The following PKN2 variants were observed in gnomAD, a reference collection of about 807,000 sequenced individuals.
The protein encoded by PKN2 is serine/threonine-protein kinase N2.
In PKN2, 38 loss-of-function variants were observed where a neutral mutation model predicts 119.1. That is an observed-to-expected ratio of 0.32 (90% CI 0.25 to 0.42). The LOEUF (loss-of-function observed/expected upper bound fraction) is 0.42, where lower values mean the gene tolerates loss of function less well. PKN2 is among the 10% of genes least tolerant of loss of function. The probability of loss-of-function intolerance (pLI) is 1.00; values close to 1 mark genes in which losing one functional copy is unlikely to be tolerated. For synonymous variants in PKN2, 390 were observed against 384.9 expected, an observed-to-expected ratio of 1.01 and a Z score of -0.15; for missense variants, 850 against 1,165.1, an observed-to-expected ratio of 0.73 and a Z score of 3.94.
chr1:88,829,295 A>T, intron 19 of PKN2: 1 of 623,304 alleles, frequency 1.6e-6, no homozygotes, highest in South Asian at 1.6e-5. Flanking sequence ...TTTGAGAGAG[A>T]TACCTTCACA....
chr1:88,734,348 A>G (rs1668258754), intron 1 of PKN2, among the ~76,000 whole-genome samples: 1 of 152,096 alleles, frequency 6.6e-6, no homozygotes, highest in Non-Finnish European at 1.5e-5. Context: ...GGGGTCTTAC[A>G]TTTAAGTCTT....
chr1:88,693,292 T>C (rs1303465212), intron 1 of PKN2, among the ~76,000 whole-genome samples: 2 of 152,226 alleles, frequency 1.3e-5, no homozygotes, highest in Non-Finnish European at 2.9e-5. Context: ...TAATACTGGA[T>C]ATAAAGCAAA....
intron 6 of PKN2, among the ~76,000 whole-genome samples, chr1:88,772,420 C>T (rs1193440897): frequency 6.6e-6 from 1 of 152,160 alleles, no homozygotes; most frequent in Non-Finnish European, 1.5e-5. Context: ...AGGAAATTCT[C>T]ATTGGAGCAT....
intron 6 of PKN2, among the ~76,000 whole-genome samples, 195 bp from the exon 7 acceptor site, chr1:88,784,444 A>G (rs1269157556): frequency 1.3e-5 from 2 of 152,022 alleles, no homozygotes; most frequent in Non-Finnish European, 2.9e-5. Context: ...AAAATTTCTT[A>G]TAGTTGTCTA....
chr1:88,707,670 T>C (rs887256234), intron 1 of PKN2, among the ~76,000 whole-genome samples: 2 of 152,146 alleles, frequency 1.3e-5, no homozygotes, highest in Admixed American at 1.3e-4. Context: ...TTAATCTTTT[T>C]CCAGTCATTT....
chr1:88,697,032 A>G (rs1227933708), intron 1 of PKN2, among the ~76,000 whole-genome samples: 2 of 152,156 alleles, frequency 1.3e-5, no homozygotes, highest in Non-Finnish European at 2.9e-5. Flanking sequence ...AGAAAATCAT[A>G]TTCATTGACT....
At chr1:88,714,441 G>A (rs1667365890) in intron 1 of PKN2, among the ~76,000 whole-genome samples, 1 of 152,094 alleles carries the variant, frequency 6.6e-6, no homozygotes, top group African/African-American at 2.4e-5. Flanking sequence ...ATTTGTTTGT[G>A]TCCTCTTTTA....
In PKN2 at chr1:88,786,095, T is replaced by C; in HGVS notation, c.1172-9T>C. 1 of 1,552,154 alleles carries C rather than the reference T, an allele frequency of 6.4e-7. No individual in the cohort carries two copies. The highest frequency in any genetic ancestry group is 1.7e-4 in the Middle Eastern group (1 of 5,924). On this transcript the variant is annotated splice_polypyrimidine_tract_variant and intron_variant, in intron 7 of 21. Coordinates refer to ENST00000370521, the MANE Select transcript of PKN2 (RefSeq NM_006256.4). ...AGTTTTTAAGCAAGTTTGTAAATTT[T>C]AATTACAGATGATGTCTGTGCTGTT...
chr1:88,766,654 G>T (rs634683), intron 3 of PKN2, among the ~76,000 whole-genome samples: 108,423 of 152,032 alleles, frequency 0.71, 39,678 homozygotes, highest in African/African-American at 0.88. Context: ...TTCTACCTAA[G>T]GTATGTAAAA....
intron 19 of PKN2, among the ~76,000 whole-genome samples, chr1:88,831,745 A>C (rs1191396693): frequency 6.6e-6 from 1 of 152,068 alleles, no homozygotes; most frequent in East Asian, 1.9e-4. Flanking sequence ...AACGAGGCTA[A>C]GTAAGCCTAT....
intron 1 of PKN2, among the ~76,000 whole-genome samples, chr1:88,738,208 C>T (rs1668431988): frequency 6.6e-6 from 1 of 152,056 alleles, no homozygotes; most frequent in African/African-American, 2.4e-5. Context: ...ATCTGCCAAG[C>T]ATAAGCCCTG....
chr1:88,782,733 T>C (rs1670396772), intron 6 of PKN2, among the ~76,000 whole-genome samples: 1 of 152,212 alleles, frequency 6.6e-6, no homozygotes, highest in Non-Finnish European at 1.5e-5. Flanking sequence ...TTGACTGTTT[T>C]GATGTCCTTG....
intron 1 of PKN2, among the ~76,000 whole-genome samples, chr1:88,702,006 T>C (rs1666788672): frequency 6.6e-6 from 1 of 152,206 alleles, no homozygotes; most frequent in Non-Finnish European, 1.5e-5. Flanking sequence ...TAGCCCAAGC[T>C]GGAATGCAGT....
chr1:88,684,429 G>A lies in PKN2; in HGVS notation c.-152G>A. On this transcript the variant is annotated 5_prime_UTR_variant, in exon 1 of 22. Coordinates refer to ENST00000370521, the MANE Select transcript of PKN2 (RefSeq NM_006256.4). Reference sequence around the variant, plus strand: ...CGATGAACCGGACGGAATAAGCCGCGCCTCCAGCAGGGGCTGCGCCTCCAT... The same window carrying A: ...CGATGAACCGGACGGAATAAGCCGCACCTCCAGCAGGGGCTGCGCCTCCAT... 1 of 648,764 alleles carries A rather than the reference G, an allele frequency of 1.5e-6. No individual in the cohort carries two copies. The highest frequency in any genetic ancestry group is 2.5e-6 in the Non-Finnish European group (1 of 397,704). 40.2% of individuals were successfully genotyped at this position (648,764 alleles called of 1,614,324 possible). A position where few individuals can be genotyped will look rare whatever the true frequency, so the allele number is the denominator to read the frequency against.
At chr1:88,814,299 C>T (rs2100897304) in intron 16 of PKN2, among the ~76,000 whole-genome samples, 1 of 152,194 alleles carries the variant, frequency 6.6e-6, no homozygotes, top group African/African-American at 2.4e-5. Flanking sequence ...TTTTTGAATT[C>T]AAGGTTTGGC....
At chr1:88,694,421 A>C (rs1192031303) in intron 1 of PKN2, among the ~76,000 whole-genome samples, 1 of 152,076 alleles carries the variant, frequency 6.6e-6, no homozygotes, top group Admixed American at 6.5e-5. Context: ...TAAGCATTTA[A>C]TTTTCCTCCA....
At chr1:88,809,140 C>T (rs973953314) in intron 15 of PKN2, among the ~76,000 whole-genome samples, 1 of 151,806 alleles carries the variant, frequency 6.6e-6, no homozygotes, top group Non-Finnish European at 1.5e-5. Flanking sequence ...TTATTTTTCA[C>T]CTCTGTTTCT....
intron 1 of PKN2, among the ~76,000 whole-genome samples, chr1:88,686,548 A>G (rs1375397430): frequency 6.6e-6 from 1 of 152,134 alleles, no homozygotes; most frequent in Non-Finnish European, 1.5e-5. Context: ...AACCCCTTCC[A>G]GAAAAAGAAT....
intron 1 of PKN2, among the ~76,000 whole-genome samples, chr1:88,694,969 T>C (rs1557544255): frequency 6.6e-6 from 1 of 152,096 alleles, no homozygotes; most frequent in Non-Finnish European, 1.5e-5. Context: ...GTACTAAAAA[T>C]ACAAAAAATT....
Sources: allele counts gnomAD v4.1 joint callset (sites outside exome capture counted in the v4.1 genomes callset), GRCh38; gene constraint gnomAD v4.1.1; transcripts MANE v1.5; gene names NCBI Gene and HGNC (gene_info 2026-07-23, HGNC 2026-07-21).